TMEM181: variants seen among roughly 807,000 people sequenced by gnomAD.
The protein encoded by TMEM181 is G protein-coupled receptor 178.
TMEM181 carries 39 observed loss-of-function variants against 71.9 expected under a neutral mutation model. The ratio of observed to expected loss-of-function variants is 0.54; its 90% confidence interval spans 0.42 to 0.71. The LOEUF (loss-of-function observed/expected upper bound fraction) is 0.71. Ranked by LOEUF, TMEM181 falls within the 30% of genes least tolerant of loss-of-function variation. The pLI, the probability that TMEM181 is intolerant of heterozygous loss-of-function variation, is 0.00. For synonymous variants in TMEM181, 245 were observed against 228.8 expected (o/e 1.07, Z -0.64); for missense variants, 595 against 583.0 (o/e 1.02, Z -0.21).
intron 1 of TMEM181, among the ~76,000 whole-genome samples, chr6:158,546,567 G>A (rs1277218307): frequency 6.6e-6 from 1 of 152,222 alleles, no homozygotes; most frequent in Non-Finnish European, 1.5e-5. Flanking sequence ...GATGTGGCAT[G>A]GATTCCATGG....
chr6:158,574,198 A>C (rs942437746), intron 2 of TMEM181, among the ~76,000 whole-genome samples: 1 of 152,082 alleles, frequency 6.6e-6, no homozygotes, highest in African/African-American at 2.4e-5. Flanking sequence ...TAATTGATTG[A>C]CTTAATACTA....
At position 158,581,129 on chromosome 6, in the gene TMEM181, T is replaced by G. The variant is rs541700443; in HGVS notation, c.168+134T>G. ...GGCTTCTCAGGCAACACATTTCTTC[T>G]TCCATTGTCAGCTGCTGGCATCTGG... On this transcript the variant is annotated intron_variant, in intron 3 of 16. Coordinates refer to ENST00000684151, the MANE Select transcript of TMEM181 (RefSeq NM_001376852.1). 20 of 817,598 alleles carry G rather than the reference T, an allele frequency of 2.4e-5. No homozygotes were observed. In the African/African-American group the frequency reaches 3.4e-4, roughly 14 times the overall value. 50.6% of individuals were successfully genotyped at this position (817,598 alleles called of 1,614,324 possible).
chr6:158,565,569 G>T (rs1782443015), intron 1 of TMEM181, among the ~76,000 whole-genome samples: 1 of 152,208 alleles, frequency 6.6e-6, no homozygotes, highest in South Asian at 2.1e-4. Flanking sequence ...CAATTCAGTG[G>T]TTCGCTTACC....
intron 6 of TMEM181, among the ~76,000 whole-genome samples, chr6:158,598,986 G>A (rs1405082446): frequency 6.6e-6 from 1 of 152,168 alleles, no homozygotes; most frequent in Non-Finnish European, 1.5e-5. Flanking sequence ...TAAACATGGG[G>A]ACCCAGGCTG....
chr6:158,607,968 G>A (rs997732096), intron 8 of TMEM181, among the ~76,000 whole-genome samples: 3 of 152,264 alleles, frequency 2.0e-5, no homozygotes, highest in African/African-American at 4.8e-5. Context: ...TGCCGCAGTC[G>A]GAACTCCCAG....
chr6:158,585,538 C>A, intron 5 of TMEM181, 113 bp downstream of exon 5: 1 of 1,269,272 alleles, frequency 7.9e-7, no homozygotes, highest in Non-Finnish European at 1.0e-6. Context: ...AGAAATTGTT[C>A]TTAAGTGAAA....
intron 1 of TMEM181, among the ~76,000 whole-genome samples, chr6:158,568,190 A>T (rs1207632466): frequency 6.6e-6 from 1 of 152,138 alleles, no homozygotes; most frequent in Non-Finnish European, 1.5e-5. Flanking sequence ...GGGTACGAGA[A>T]TGGAGAAAGG....
chr6:158,553,326 AATTT>A (rs138387211), intron 1 of TMEM181, among the ~76,000 whole-genome samples: 41,260 of 151,998 alleles, frequency 0.27, 5,730 homozygotes, highest in African/African-American at 0.31. Flanking sequence ...ACATTTACAA[AATTT>A]ATTTATTTTT....
In TMEM181 at chr6:158,537,214, C is replaced by A. The variant is rs952811580; in HGVS notation, c.131+349C>A. Among the ~76,000 whole-genome samples the A allele has an allele frequency of 4.6e-5, 7 of 152,150 alleles. No individual in the cohort carries two copies. In the East Asian group the frequency reaches 1.2e-3, roughly 25 times the overall value. On this transcript the variant is annotated intron_variant, in intron 1 of 16. Transcript: ENST00000367090. Reference sequence around the variant, plus strand: ...TCCTCCCTGCGCCCCGCGTCGTTCTCCCCCCGCGCCCGCCTCGCCGCCCCC... The same window carrying A: ...TCCTCCCTGCGCCCCGCGTCGTTCTACCCCCGCGCCCGCCTCGCCGCCCCC...
intron 10 of TMEM181, chr6:158,609,921 C>T (rs995366044): frequency 3.9e-5 from 9 of 232,318 alleles, no homozygotes; most frequent in South Asian, 7.7e-5. Context: ...ACTTCCCGGG[C>T]TTCTCAGGTG....
rs527337129 is a variant in TMEM181 at position 158,588,341 on chromosome 6, C to G, written c.382-1331C>G. On this transcript the variant is annotated intron_variant, in intron 5 of 16. Transcript: ENST00000684151. The stretch of plus-strand genomic sequence containing the variant: ...GGTGCTGCCTTCAGCCCCCTGCACA[C>G]TCCCCTCCTCTCTGCTTTCTCCCCC... Among the ~76,000 whole-genome samples, 5 of 152,342 alleles carry G rather than the reference C, an allele frequency of 3.3e-5. No individual in the cohort carries two copies. The East Asian group carries it at 7.7e-4, about 24-fold the overall frequency.
chr6:158,572,555 T>G, intron 1 of TMEM181: 1 of 449,322 alleles, frequency 2.2e-6, no homozygotes, highest in Middle Eastern at 4.9e-4. Context: ...GCCATGCTCG[T>G]GCGTCCTGTG....
In TMEM181 at chr6:158,605,292, C is replaced by T; in HGVS notation, c.518C>T (p.Ser173Phe). ...FTWKTYNPAFSRLEIWFRFFF... is the reference protein window; with the variant it reads ...FTWKTYNPAFFRLEIWFRFFF... Reference sequence around the variant, plus strand: ...TGGAAGACTTATAACCCTGCCTTCTCCCGGTTGGAAATCTGGTTCCGGTTT... The same window carrying T: ...TGGAAGACTTATAACCCTGCCTTCTTCCGGTTGGAAATCTGGTTCCGGTTT... The change falls in exon 7 of 17, where the codon TCC becomes TTC. Residue 173 changes from serine to phenylalanine, a missense_variant. Transcript: ENST00000684151. 6.2e-7 allele frequency: 1 copy of T among 1,613,978 alleles called. No individual in the cohort carries two copies. Among genetic ancestry groups the T allele is most frequent in the Non-Finnish European group, 8.5e-7 (1 of 1,179,980 alleles).
chr6:158,621,204 T>C (rs1367555742), intron 10 of TMEM181, among the ~76,000 whole-genome samples: 1 of 152,226 alleles, frequency 6.6e-6, no homozygotes, highest in Non-Finnish European at 1.5e-5. Flanking sequence ...GTTTGGTGCT[T>C]ACCCAAGAGA....
intron 3 of TMEM181, among the ~76,000 whole-genome samples, chr6:158,581,817 T>G (rs908481439): frequency 6.6e-6 from 1 of 151,590 alleles, no homozygotes; most frequent in African/African-American, 2.4e-5. Context: ...CAGAGCTTCT[T>G]TCAATTGGAG....
At chr6:158,553,074 G>A (rs1329555522) in intron 1 of TMEM181, among the ~76,000 whole-genome samples, 3 of 151,968 alleles carry the variant, frequency 2.0e-5, no homozygotes, top group Admixed American at 2.0e-4. Flanking sequence ...TGTGGTTCCA[G>A]TTACATGGGT....
chr6:158,566,521 A>G, intron 1 of TMEM181, among the ~76,000 whole-genome samples: 1 of 99,140 alleles, frequency 1.0e-5, no homozygotes, highest in African/African-American at 4.1e-5. Flanking sequence ...GATGATGGTG[A>G]GGAGTTGAGG....
intron 7 of TMEM181, among the ~76,000 whole-genome samples, chr6:158,606,218 CAG>C (rs71699868): frequency 1.1e-4 from 6 of 54,582 alleles, no homozygotes; most frequent in Admixed American, 2.3e-4. Context: ...GCTAGAGCCA[CAG>C]GGAGCTGGAG....
Position 158,546,909 on chromosome 6 carries a change from G to A in TMEM181, c.131+10044G>A, listed in dbSNP as rs546052381. Among the ~76,000 whole-genome samples, 6 of 152,172 alleles carry A rather than the reference G, an allele frequency of 3.9e-5. No individual in the cohort carries two copies. The East Asian group carries it at 1.2e-3, about 29-fold the overall frequency. ...CGGGAGGTGGAGGTTGCAGTGAGCCGAGATTGCACCACTGCACTCCAGCCT... is the reference window on the plus strand; with the variant it reads ...CGGGAGGTGGAGGTTGCAGTGAGCCAAGATTGCACCACTGCACTCCAGCCT... On this transcript the variant is annotated intron_variant, in intron 1 of 16. Coordinates refer to the TMEM181 transcript ENST00000367090.
Sources: gnomAD v4.1 joint callset for allele counts (sites outside exome capture counted in the v4.1 genomes callset) on GRCh38, gnomAD v4.1.1 for gene constraint, MANE v1.5 for transcripts, NCBI Gene and HGNC (gene_info 2026-07-23, HGNC 2026-07-21) for gene names.